Variants in CPVL observed in about 807,000 individuals in gnomAD.
The protein encoded by CPVL is carboxypeptidase vitellogenic like.
In CPVL, 51 loss-of-function variants were observed where a neutral mutation model predicts 63.7. That is an observed-to-expected ratio of 0.80 (90% CI 0.64 to 1.01). The LOEUF (loss-of-function observed/expected upper bound fraction) is 1.01. Ranked by LOEUF, CPVL falls within the 50% of genes least tolerant of loss-of-function variation. The pLI is 0.00. For synonymous variants in CPVL, 195 were observed against 206.0 expected, an observed-to-expected ratio of 0.95 and a Z score of 0.46; for missense variants, 530 against 573.1, an observed-to-expected ratio of 0.92 and a Z score of 0.77.
At position 29,135,370 on chromosome 7, in the gene CPVL, C is replaced by T. The variant is rs181128209; in HGVS notation, c.-11+11059G>A. ...TTTTTGAGACGGAGTCTTGCTCTGT[C>T]GCCCAGGCTGGAGTGCAGTGGCGCG... is the stretch of plus-strand genomic sequence containing the variant. On this transcript the variant is annotated intron_variant, in intron 1 of 12. Coordinates refer to ENST00000265394, the MANE Select transcript of CPVL (RefSeq NM_031311.5). Among the ~76,000 whole-genome samples, 619 of 151,002 alleles carry T rather than the reference C, an allele frequency of 4.1e-3. 6 individuals carry two copies. The highest frequency in any genetic ancestry group is 0.013 in the African/African-American group (536 of 41,196).
chr7:29,136,647 G>T (rs940845141), intron 1 of CPVL, among the ~76,000 whole-genome samples: 9 of 152,194 alleles, frequency 5.9e-5, no homozygotes, highest in Non-Finnish European at 2.9e-5. Flanking sequence ...AGGTCTCAGA[G>T]ATAAGAGAAG....
chr7:29,113,595 C>T (rs1788468808), intron 2 of CPVL: 1 of 152,224 alleles, frequency 6.6e-6, no homozygotes. Flanking sequence ...GCCAGAATAC[C>T]AGGGCTTTAC....
At chr7:29,009,206 AAAGAC>A (rs1433240956) in intron 12 of CPVL, 22 of 151,380 alleles carry the variant, frequency 1.5e-4, no homozygotes, top group Admixed American at 1.3e-3. Flanking sequence ...AAAAAAAAAA[AAAGAC>A]AGGAGACAGC....
chr7:29,169,482 T>C (rs1028130614), intron 5 of CPVL, among the ~76,000 whole-genome samples: 3 of 152,238 alleles, frequency 2.0e-5, no homozygotes, highest in African/African-American at 7.2e-5. Context: ...AATAATGTTA[T>C]GTTAAAAATA....
At chr7:29,179,109 C>G (rs572062094) in intron 5 of CPVL, among the ~76,000 whole-genome samples, 1 of 152,326 alleles carries the variant, frequency 6.6e-6, no homozygotes, top group South Asian at 2.1e-4. Context: ...GACACACTTA[C>G]AGTCCTCATG....
At chr7:29,165,888 C>A (rs1216509903) in intron 5 of CPVL, among the ~76,000 whole-genome samples, 1 of 152,094 alleles carries the variant, frequency 6.6e-6, no homozygotes, top group Admixed American at 6.5e-5. Flanking sequence ...TTGAGATAAA[C>A]CTTTTATTTG....
At chr7:29,043,932 G>T (rs1379284735) in intron 11 of CPVL, among the ~76,000 whole-genome samples, 1 of 152,138 alleles carries the variant, frequency 6.6e-6, no homozygotes, top group Non-Finnish European at 1.5e-5. Flanking sequence ...CGAAAGAAGA[G>T]GAAACTGGAG....
chr7:29,154,041 G>A (rs1686521405), intron 5 of CPVL, among the ~76,000 whole-genome samples: 1 of 152,204 alleles, frequency 6.6e-6, no homozygotes, highest in South Asian at 2.1e-4. Flanking sequence ...AAAGTTATAT[G>A]TGCATTTTTG....
At chr7:29,177,216 TTTTC>T (rs1797463455) in intron 5 of CPVL, among the ~76,000 whole-genome samples, 1 of 143,600 alleles carries the variant, frequency 7.0e-6, no homozygotes, top group Non-Finnish European at 1.5e-5. Flanking sequence ...TCTTTTTCTT[TTTTC>T]TTTCTTTTTT....
chr7:29,151,176 C>T (rs1167937104), upstream of CPVL, among the ~76,000 whole-genome samples: 4 of 152,292 alleles, frequency 2.6e-5, no homozygotes, highest in East Asian at 5.8e-4. Flanking sequence ...GCTACAGACT[C>T]CAGGGAAGTT....
intron 3 of CPVL, among the ~76,000 whole-genome samples, chr7:29,099,689 G>A (rs1044876123): frequency 6.6e-6 from 1 of 152,210 alleles, no homozygotes; most frequent in Admixed American, 6.5e-5. Context: ...TTCAGCCTGG[G>A]CAACAGAACA....
chr7:29,081,869 A>G (rs1289061832), intron 7 of CPVL, among the ~76,000 whole-genome samples: 1 of 152,184 alleles, frequency 6.6e-6, no homozygotes, highest in Non-Finnish European at 1.5e-5. Context: ...TGCAGTAGGT[A>G]CTATTATTAT....
chr7:29,137,142 A>G (rs1383535052), intron 1 of CPVL, among the ~76,000 whole-genome samples: 1 of 152,160 alleles, frequency 6.6e-6, no homozygotes, highest in Non-Finnish European at 1.5e-5. Flanking sequence ...TCTGGGGTAA[A>G]TACCTGGGGT....
chr7:29,053,474 C>CA (rs1790402397), intron 11 of CPVL, among the ~76,000 whole-genome samples: 1 of 152,038 alleles, frequency 6.6e-6, no homozygotes, highest in Non-Finnish European at 1.5e-5. Flanking sequence ...GTGAAAGAAA[C>CA]AGTCACAAAA....
At chr7:29,125,107 A>G (rs1373918179) in intron 1 of CPVL, 1 of 152,182 alleles carries the variant, frequency 6.6e-6, no homozygotes, top group Non-Finnish European at 1.5e-5. Context: ...TATTATAATA[A>G]TATTTATTAT....
rs112446146 is a variant in CPVL at position 29,138,453 on chromosome 7, T to G, written c.-11+7976A>C. Among the ~76,000 whole-genome samples, 1,413 of 151,870 alleles carry G rather than the reference T, an allele frequency of 9.3e-3. 12 individuals carry two copies. Among genetic ancestry groups the G allele is most frequent in the East Asian group, 0.021 (106 of 5,152 alleles). On this transcript the variant is annotated intron_variant, in intron 1 of 12. Transcript: ENST00000265394. ...AGACTACGTCTCCAAATAATAATAA[T>G]AAGAAGAAGAAGAAGAAAGTAAAAC...
chr7:29,156,342 G>T (rs900791113), intron 5 of CPVL, among the ~76,000 whole-genome samples: 1 of 152,050 alleles, frequency 6.6e-6, no homozygotes, highest in Non-Finnish European at 1.5e-5. Flanking sequence ...ATTAAGCTTG[G>T]TACTTCTCTA....
chr7:29,044,384 T>C (rs9690943), intron 11 of CPVL, among the ~76,000 whole-genome samples: 10,022 of 152,166 alleles, frequency 0.066, 363 homozygotes, highest in African/African-American at 0.083. Context: ...GCCACTGCAC[T>C]CCAACCTGGG....
intron 5 of CPVL, among the ~76,000 whole-genome samples, chr7:29,176,608 G>C (rs905889273): frequency 2.0e-5 from 3 of 152,128 alleles, no homozygotes; most frequent in African/African-American, 7.2e-5. Context: ...TTACAAAGAA[G>C]CTTTAAAAGG....
Sources: allele counts gnomAD v4.1 joint callset (sites outside exome capture counted in the v4.1 genomes callset), GRCh38; gene constraint gnomAD v4.1.1; transcripts MANE v1.5; gene names NCBI Gene and HGNC (gene_info 2026-07-23, HGNC 2026-07-21).